Variants in SHISA6 observed in about 807,000 individuals in gnomAD.
SHISA6 encodes the protein protein shisa-6.
In SHISA6, 22 loss-of-function variants were observed where a neutral mutation model predicts 47.9. The ratio of observed to expected loss-of-function variants is 0.46; its 90% confidence interval spans 0.33 to 0.66. The LOEUF (loss-of-function observed/expected upper bound fraction) is 0.66, where lower values mean the gene tolerates loss of function less well. SHISA6 is among the 30% of genes least tolerant of loss of function. The probability of loss-of-function intolerance (pLI) is 0.02; values close to 1 mark genes in which losing one functional copy is unlikely to be tolerated. For missense variants in SHISA6, 680 were observed against 764.6 expected, an observed-to-expected ratio of 0.89 and a Z score of 1.30; for synonymous variants, 388 against 337.8, an observed-to-expected ratio of 1.15 and a Z score of -1.63.
At chr17:11,271,601 C>CTTTT (rs770845288) in intron 2 of SHISA6, among the ~76,000 whole-genome samples, 73 of 99,684 alleles carry the variant, frequency 7.3e-4, no homozygotes, top group African/African-American at 3.0e-3. Flanking sequence ...CCACGCCTGG[C>CTTTT]TTTTTTTTTT....
chr17:11,245,786 T>C (rs1382217079), intron 1 of SHISA6, among the ~76,000 whole-genome samples: 1 of 151,034 alleles, frequency 6.6e-6, no homozygotes, highest in Non-Finnish European at 1.5e-5. Flanking sequence ...GGAAGAAAAA[T>C]CCAGGTGGAT....
chr17:11,371,837 G>T (rs1440424721), intron 2 of SHISA6, among the ~76,000 whole-genome samples: 1 of 151,746 alleles, frequency 6.6e-6, no homozygotes, highest in Non-Finnish European at 1.5e-5. Flanking sequence ...AAAAATTAAA[G>T]AAAATAATAA....
intron 3 of SHISA6, among the ~76,000 whole-genome samples, chr17:11,476,578 ATT>A (rs1353344982): frequency 6.6e-6 from 1 of 151,716 alleles, no homozygotes; most frequent in Non-Finnish European, 1.5e-5. Flanking sequence ...TATTTGAGGA[ATT>A]TTTTGTCATC....
chr17:11,263,713 C>T lies in SHISA6; in HGVS notation c.799+187C>T, dbSNP rs116288885. Among the ~76,000 whole-genome samples, 369 of 152,192 alleles carry T rather than the reference C, an allele frequency of 2.4e-3. 6 individuals carry two copies. Among genetic ancestry groups the T allele is most frequent in the African/African-American group, 8.4e-3 (348 of 41,506 alleles). ...AGTTTGGAATGGGCAAGACTGCTGC[C>T]GGTCAGTGTCTGGGCTGGATGAGGA... On this transcript the variant is annotated intron_variant, in intron 2 of 5. Transcript: ENST00000441885.
chr17:11,509,117 G>T (rs1299695863), intron 3 of SHISA6, among the ~76,000 whole-genome samples: 1 of 152,152 alleles, frequency 6.6e-6, no homozygotes, highest in African/African-American at 2.4e-5. Context: ...CTTCATGCCT[G>T]CACAGCCTTA....
intron 3 of SHISA6, among the ~76,000 whole-genome samples, chr17:11,481,360 G>A (rs867055247): frequency 0.021 from 2,318 of 110,762 alleles, 68 homozygotes; most frequent in African/African-American, 0.075. Context: ...GTGTGTGTGT[G>A]TGTGTGTATA....
At chr17:11,452,229 T>C (rs908505919) in intron 3 of SHISA6, among the ~76,000 whole-genome samples, 2 of 152,248 alleles carry the variant, frequency 1.3e-5, no homozygotes, top group Non-Finnish European at 2.9e-5. Flanking sequence ...CACTGTTGCA[T>C]GTCCTCTCAG....
intron 2 of SHISA6, among the ~76,000 whole-genome samples, chr17:11,341,458 C>T (rs1911527428): frequency 6.6e-6 from 1 of 151,400 alleles, no homozygotes; most frequent in East Asian, 1.9e-4. Context: ...CCTCAGCCTC[C>T]TGAGTTGGTG....
At chr17:11,454,222 C>G (rs2142308306) in intron 3 of SHISA6, among the ~76,000 whole-genome samples, 1 of 152,302 alleles carries the variant, frequency 6.6e-6, no homozygotes, top group Middle Eastern at 3.4e-3. Context: ...GGTTCTACCT[C>G]CAAACTATAG....
intron 2 of SHISA6, among the ~76,000 whole-genome samples, chr17:11,277,403 C>T (rs370891935): frequency 1.8e-4 from 27 of 151,800 alleles, no homozygotes; most frequent in Middle Eastern, 3.4e-3. Context: ...GAATGATAAG[C>T]AAATCAATAA....
At chr17:11,415,963 A>G (rs1914268480) in intron 3 of SHISA6, among the ~76,000 whole-genome samples, 1 of 152,096 alleles carries the variant, frequency 6.6e-6, no homozygotes, top group Admixed American at 6.6e-5. Flanking sequence ...CTGGCGAGGG[A>G]TTGCTTCTTG....
intron 3 of SHISA6, among the ~76,000 whole-genome samples, chr17:11,539,607 G>A (rs1486204008): frequency 6.6e-6 from 1 of 152,254 alleles, no homozygotes; most frequent in African/African-American, 2.4e-5. Flanking sequence ...TGAGGCAAGG[G>A]TGCATGTGCT....
intron 3 of SHISA6, among the ~76,000 whole-genome samples, chr17:11,524,976 T>A (rs975564774): frequency 6.6e-6 from 1 of 152,216 alleles, no homozygotes; most frequent in Non-Finnish European, 1.5e-5. Context: ...GGGTAGATGA[T>A]CCTTTCATGT....
intron 3 of SHISA6, among the ~76,000 whole-genome samples, chr17:11,429,608 C>T (rs1374914790): frequency 6.7e-6 from 1 of 148,320 alleles, no homozygotes; most frequent in African/African-American, 2.5e-5. Context: ...ATGGAGAAAC[C>T]CCATCTCTAC....
In SHISA6 at chr17:11,499,698, T is replaced by TTTGTTGTTG. The variant is rs1555540217; in HGVS notation, c.896-52186_896-52178dup. ...CTTTTTCTTTCTTTTTTTTTTTTTT[T>TTTGTTGTTG]TTGTTGTTGTTGTTGTTGTTTGAGA... On this transcript the variant is annotated intron_variant, in intron 3 of 5. Transcript: ENST00000441885. Among the ~76,000 whole-genome samples the TTTGTTGTTG allele has an allele frequency of 2.4e-3, 345 of 146,568 alleles. 1 individual carries two copies. The highest frequency in any genetic ancestry group is 8.7e-3 in the African/African-American group (326 of 37,602).
chr17:11,248,606 C>A (rs796443471), intron 1 of SHISA6, among the ~76,000 whole-genome samples: 4 of 152,170 alleles, frequency 2.6e-5, no homozygotes, highest in Admixed American at 2.6e-4. Flanking sequence ...CGTTTCTGTA[C>A]CCCTCCTGGT....
chr17:11,422,837 A>G (rs986893054), intron 3 of SHISA6, among the ~76,000 whole-genome samples: 2 of 152,062 alleles, frequency 1.3e-5, no homozygotes, highest in African/African-American at 4.8e-5. Flanking sequence ...AGTAGCCTCA[A>G]CAGGAAAACA....
intron 3 of SHISA6, among the ~76,000 whole-genome samples, chr17:11,424,716 A>T (rs1283394305): frequency 2.6e-5 from 4 of 152,142 alleles, no homozygotes; most frequent in African/African-American, 9.7e-5. Context: ...AAAATAAAAA[A>T]AAACAGGCCA....
In SHISA6 at chr17:11,256,805, G is replaced by A. The variant is rs7212336; in HGVS notation, c.639-6561G>A. Among the ~76,000 whole-genome samples the A allele has an allele frequency of 2.5e-3, 386 of 152,276 alleles. 2 individuals are homozygous for A. The highest frequency in any genetic ancestry group is 8.9e-3 in the African/African-American group (368 of 41,546). The stretch of plus-strand genomic sequence containing the variant: ...TTTTCATATGATTAATGTAAGGAAC[G>A]GAGTATGTGAAGATGATGCTGTTAG... On this transcript the variant is annotated intron_variant, in intron 1 of 5. Coordinates refer to ENST00000441885, the MANE Select transcript of SHISA6 (RefSeq NM_207386.4).
Sources: gnomAD v4.1 joint callset for allele counts (sites outside exome capture counted in the v4.1 genomes callset) on GRCh38, gnomAD v4.1.1 for gene constraint, MANE v1.5 for transcripts, NCBI Gene and HGNC (gene_info 2026-07-23, HGNC 2026-07-21) for gene names.